Variants in ABHD12 observed in about 807,000 individuals in gnomAD.
The protein encoded by ABHD12 is lysophosphatidylserine lipase ABHD12.
A neutral mutation model predicts 58.3 loss-of-function variants in ABHD12; 43 were observed. The observed-to-expected ratio is 0.74, with a 90% CI of 0.58 to 0.95. The LOEUF is 0.95. Among genes scored for constraint, ABHD12 ranks in the 40% least tolerant of loss-of-function variants. ABHD12 has a pLI of 0.00. For missense variants in ABHD12, 539 were observed against 537.2 expected, an observed-to-expected ratio of 1.00 and a Z score of -0.03; for synonymous variants, 219 against 211.2, an observed-to-expected ratio of 1.04 and a Z score of -0.32.
chr20:25,319,082 C>T (rs1427679503), intron 4 of ABHD12, among the ~76,000 whole-genome samples: 1 of 152,228 alleles, frequency 6.6e-6, no homozygotes, highest in African/African-American at 2.4e-5. Flanking sequence ...CGGCCCTGGC[C>T]CCGCAGCAGC....
chr20:25,369,927 TAAAA>T (rs3032443), intron 1 of ABHD12, among the ~76,000 whole-genome samples: 152 of 91,426 alleles, frequency 1.7e-3, no homozygotes, highest in Admixed American at 6.9e-3. Context: ...GTCTCTGTTA[TAAAA>T]AAAAAAAAAA....
rs1160610200 is a variant in ABHD12 at position 25,309,553 on chromosome 20, C to T, written c.642G>A (p.Thr214=). The T allele has an allele frequency of 5.6e-6, 9 of 1,614,016 alleles. No homozygotes were observed. The highest frequency in any genetic ancestry group is 2.2e-5 in the South Asian group (2 of 91,092). ...DYRGWGDSVG[T]PSERGMTYDA... ...CATAGGTCATGCCCCGCTCAGATGG[C>T]GTTCCCACTGAGTCACCCCAACCTG... The change falls in exon 7 of 13, where the codon ACG becomes ACA. Residue 214 remains threonine, a synonymous_variant. Coordinates refer to ENST00000339157, the MANE Select transcript of ABHD12 (RefSeq NM_001042472.3).
rs1484989642 is a variant in ABHD12, at chr20:25,320,338, G to A, written c.423-20C>T. ...GTGTGCCTGCAGACAGAAGCAGAGGGGAGCGCAGGATCAGATGTCCCTTCT... is the reference window on the plus strand; with the variant it reads ...GTGTGCCTGCAGACAGAAGCAGAGGAGAGCGCAGGATCAGATGTCCCTTCT... On this transcript the variant is annotated intron_variant, in intron 3 of 12. Coordinates refer to ENST00000339157, the MANE Select transcript of ABHD12 (RefSeq NM_001042472.3). The A allele has an allele frequency of 1.2e-6, 2 of 1,612,366 alleles. No homozygotes were observed. Among genetic ancestry groups the A allele is most frequent in the South Asian group, 2.2e-5 (2 of 91,080 alleles).
chr20:25,304,913 T>G (rs1263751058), intron 10 of ABHD12, among the ~76,000 whole-genome samples: 13 of 149,992 alleles, frequency 8.7e-5, no homozygotes, highest in Admixed American at 7.3e-4. Flanking sequence ...AGATAATTCT[T>G]TTTTTCTTTT....
intron 2 of ABHD12, 43 bp from the exon 3 acceptor site, chr20:25,323,473 G>T: frequency 8.1e-7 from 1 of 1,229,752 alleles, no homozygotes; most frequent in South Asian, 1.2e-5. Flanking sequence ...ACTGGTGGAT[G>T]AATACACACA....
At chr20:25,305,626 G>A (rs1376244668) in intron 10 of ABHD12, among the ~76,000 whole-genome samples, 1 of 152,080 alleles carries the variant, frequency 6.6e-6, no homozygotes, top group Non-Finnish European at 1.5e-5. Flanking sequence ...TTCCCAAAGT[G>A]CTGGGATTAC....
chr20:25,359,100 TAAA>T (rs367930738), intron 1 of ABHD12, among the ~76,000 whole-genome samples: 6 of 128,664 alleles, frequency 4.7e-5, no homozygotes, highest in South Asian at 2.5e-4. Context: ...GCCTCCTTTG[TAAA>T]AAAAAAAAAA....
intron 1 of ABHD12, among the ~76,000 whole-genome samples, chr20:25,365,240 T>C (rs887362965): frequency 3.9e-5 from 6 of 152,368 alleles, no homozygotes; most frequent in African/African-American, 1.4e-4. Flanking sequence ...TCACCATGTA[T>C]CCTGTCCCCA....
intron 2 of ABHD12, among the ~76,000 whole-genome samples, chr20:25,332,604 A>C (rs1345058789): frequency 1.3e-5 from 2 of 151,694 alleles, no homozygotes; most frequent in Non-Finnish European, 2.9e-5. Context: ...ATAATAAACT[A>C]TCTCTCAGAC....
intron 1 of ABHD12, among the ~76,000 whole-genome samples, chr20:25,366,541 C>A (rs1412461810): frequency 6.6e-6 from 1 of 152,206 alleles, no homozygotes; most frequent in Non-Finnish European, 1.5e-5. Flanking sequence ...GCTGGGATTA[C>A]AGGCATGAAC....
chr20:25,356,958 G>A (rs1223435708), intron 1 of ABHD12, among the ~76,000 whole-genome samples: 5 of 152,156 alleles, frequency 3.3e-5, no homozygotes, highest in Non-Finnish European at 7.4e-5. Context: ...AATATAACAA[G>A]ACTCTGCTCT....
At chr20:25,296,882 G>A (rs201407533), downstream of ABHD12, 4 of 208,264 alleles carry the variant, frequency 1.9e-5, no homozygotes, top group Non-Finnish European at 3.9e-5. Context: ...TTAGTGTTGA[G>A]CCTCTGGATT....
intron 2 of ABHD12, among the ~76,000 whole-genome samples, chr20:25,329,022 A>T (rs965793927): frequency 6.6e-6 from 1 of 152,216 alleles, no homozygotes; most frequent in Non-Finnish European, 1.5e-5. Flanking sequence ...GGGTCACAGG[A>T]TCCACCCAGG....
chr20:25,331,016 A>G (rs111792495), intron 2 of ABHD12, among the ~76,000 whole-genome samples: 3 of 152,344 alleles, frequency 2.0e-5, no homozygotes, highest in African/African-American at 4.8e-5. Flanking sequence ...AAATTACTCC[A>G]AGCTACGGGA....
intron 11 of ABHD12, among the ~76,000 whole-genome samples, chr20:25,302,693 C>T (rs1307467328): frequency 6.6e-6 from 1 of 152,226 alleles, no homozygotes; most frequent in East Asian, 1.9e-4. Flanking sequence ...GTATGTGCCT[C>T]AGGCTTAGCT....
chr20:25,342,454 A>T (rs1488666067), intron 1 of ABHD12, among the ~76,000 whole-genome samples: 58 of 142,340 alleles, frequency 4.1e-4, no homozygotes, highest in African/African-American at 1.0e-3. Context: ...CAGATACCAC[A>T]TTTTTTTTTT....
At chr20:25,319,661 C>T (rs576299578) in intron 4 of ABHD12, among the ~76,000 whole-genome samples, 7 of 152,290 alleles carry the variant, frequency 4.6e-5, no homozygotes, top group East Asian at 1.9e-4. Flanking sequence ...GAGCTGAAGC[C>T]GCCCATTCCC....
chr20:25,380,152 T>C (rs1213520619), intron 1 of ABHD12, among the ~76,000 whole-genome samples: 2 of 152,224 alleles, frequency 1.3e-5, no homozygotes, highest in Non-Finnish European at 2.9e-5. Flanking sequence ...AACCTTTATC[T>C]CACACATTGT....
chr20:25,316,050 G>A (rs1186220287), intron 5 of ABHD12, among the ~76,000 whole-genome samples: 2 of 152,104 alleles, frequency 1.3e-5, no homozygotes, highest in African/African-American at 2.4e-5. Context: ...ACCTGCAGGC[G>A]CTCCCACTGT....
Sources: gnomAD v4.1 joint callset for allele counts (sites outside exome capture counted in the v4.1 genomes callset) on GRCh38, gnomAD v4.1.1 for gene constraint, MANE v1.5 for transcripts, NCBI Gene and HGNC (gene_info 2026-07-23, HGNC 2026-07-21) for gene names.